LRRFIP1: variants seen among roughly 807,000 people sequenced by gnomAD.
The protein encoded by LRRFIP1 is LRR binding FLII interacting protein 1.
A neutral mutation model predicts 104.4 loss-of-function variants in LRRFIP1; 62 were observed. That is an observed-to-expected ratio of 0.59 (90% CI 0.48 to 0.73). LRRFIP1 has a LOEUF of 0.73. Among genes scored for constraint, LRRFIP1 ranks in the 30% least tolerant of loss-of-function variants. LRRFIP1 has a pLI of 0.00. For missense variants in LRRFIP1, 796 were observed against 824.5 expected (o/e 0.97, Z 0.42); for synonymous variants, 300 against 299.0 (o/e 1.00, Z -0.03).
At chr2:237,634,080 T>C (rs1219293468) in intron 1 of LRRFIP1, among the ~76,000 whole-genome samples, 3 of 152,246 alleles carry the variant, frequency 2.0e-5, no homozygotes, top group Non-Finnish European at 4.4e-5. Flanking sequence ...CACAGTAGGC[T>C]GGGCAGTCCT....
At chr2:237,670,886 C>T (rs539890930) in intron 1 of LRRFIP1, among the ~76,000 whole-genome samples, 3 of 152,318 alleles carry the variant, frequency 2.0e-5, no homozygotes, top group Non-Finnish European at 2.9e-5. Flanking sequence ...ACATCCTCAG[C>T]GGCAGGGTCT....
rs1371823850 is a variant in LRRFIP1, at chr2:237,649,631, G to A, written c.96+21891G>A. Among the ~76,000 whole-genome samples the A allele has an allele frequency of 1.3e-5, 2 of 151,968 alleles. No individual in the cohort carries two copies. The highest frequency in any genetic ancestry group is 2.9e-5 in the Non-Finnish European group (2 of 67,956). On this transcript the variant is annotated intron_variant, in intron 1 of 23. Transcript: ENST00000308482. This position sits in a 1 kb window ranked among gnomAD's most constrained non-coding sequence, Gnocchi z 4.1. ...TGTTTTGTTTTTCTGAGAAGAAGGT[G>A]ACTTTTCCCGGTTGCTGTCCATGCA...
chr2:237,770,008 T>C lies in LRRFIP1; in HGVS notation c.1509+16T>C. On this transcript the variant is annotated intron_variant, in intron 20 of 23. Transcript: ENST00000308482. ...ATTGGAACAGGTAACAATCTTTTTA[T>C]TACTTTACCGGTTCATGAACAGGGC... is the stretch of plus-strand genomic sequence containing the variant. The C allele has an allele frequency of 6.3e-7, 1 of 1,594,638 alleles. No individual in the cohort carries two copies. The highest frequency in any genetic ancestry group is 1.7e-5 in the Admixed American group (1 of 57,538).
chr2:237,725,854 C>T (rs761466976), intron 7 of LRRFIP1, among the ~76,000 whole-genome samples: 3 of 152,234 alleles, frequency 2.0e-5, no homozygotes, highest in Non-Finnish European at 2.9e-5. Context: ...GTGCAAAGGA[C>T]AGGGTTCCGC....
intron 7 of LRRFIP1, among the ~76,000 whole-genome samples, chr2:237,724,929 C>T (rs2094684134): frequency 2.6e-5 from 4 of 152,106 alleles, no homozygotes; most frequent in Admixed American, 6.5e-5. Context: ...TACATGTGCT[C>T]TGTCTTTTGA....
At chr2:237,647,554 G>A (rs1372814979) in intron 1 of LRRFIP1, among the ~76,000 whole-genome samples, 8 of 152,012 alleles carry the variant, frequency 5.3e-5, no homozygotes, top group Non-Finnish European at 1.2e-4. Context: ...GAGCAGAAGC[G>A]GGGTCCTGCC....
intron 19 of LRRFIP1, chr2:237,763,492 A>C: frequency 6.2e-7 from 1 of 1,613,498 alleles, no homozygotes; most frequent in Non-Finnish European, 8.5e-7. Flanking sequence ...ATGTTAAAAA[A>C]GAGTTAACGT....
chr2:237,663,748 G>C (rs1422186407), intron 1 of LRRFIP1, among the ~76,000 whole-genome samples: 1 of 152,210 alleles, frequency 6.6e-6, no homozygotes, highest in East Asian at 1.9e-4. Context: ...CTGGGTTGGT[G>C]GAGCGGGGAC....
chr2:237,703,176 C>T lies in LRRFIP1; in HGVS notation c.97-5368C>T, dbSNP rs1012266400. Among the ~76,000 whole-genome samples, 8 of 152,274 alleles carry T rather than the reference C, an allele frequency of 5.3e-5. No individual in the cohort carries two copies. The highest frequency in any genetic ancestry group is 1.9e-4 in the African/African-American group (8 of 41,550). On this transcript the variant is annotated intron_variant, in intron 1 of 23. Coordinates refer to ENST00000308482, the MANE Select transcript of LRRFIP1 (RefSeq NM_001137550.2). The surrounding 1 kb of genome is among the most constrained non-coding windows in gnomAD (Gnocchi z 4.3). ...GGATGGGAGGGAAAGAATGACTCAACCTGCAGGCCGTCTGGGGTATGCACA... is the reference window on the plus strand; with the variant it reads ...GGATGGGAGGGAAAGAATGACTCAATCTGCAGGCCGTCTGGGGTATGCACA...
intron 23 of LRRFIP1, among the ~76,000 whole-genome samples, chr2:237,778,163 GCTTAT>G: frequency 6.6e-6 from 1 of 152,188 alleles, no homozygotes; most frequent in Non-Finnish European, 1.5e-5. Context: ...TGTTTTGTGA[GCTTAT>G]GCTTGATTTT....
intron 6 of LRRFIP1, chr2:237,721,895 T>G (rs992092343): frequency 6.6e-6 from 1 of 152,260 alleles, no homozygotes; most frequent in Admixed American, 6.5e-5. Flanking sequence ...TCCTGAGATG[T>G]AGCCTCAGGG....
rs1343612363 is a variant in LRRFIP1, at chr2:237,717,781, C to T, written c.221C>T (p.Thr74Ile). 12 of 1,612,924 alleles carry T rather than the reference C, an allele frequency of 7.4e-6. No individual in the cohort carries two copies. Among genetic ancestry groups the T allele is most frequent in the Non-Finnish European group, 1.0e-5 (12 of 1,178,910 alleles). ...CTATAGAAATATTATGGGCTGGATA[C>T]AAAATGGGGTGACATCGAGCAGTGG... Reference protein sequence around the residue: ...QVQKKYYGLDTKWGDIEQWME... With the variant: ...QVQKKYYGLDIKWGDIEQWME... Residue 74 changes from threonine (T) to isoleucine (I), a missense_variant, in exon 4 of 24, where the codon ACA becomes ATA. By Grantham distance (89) the Thr-to-Ile change is moderately conservative. Coordinates refer to ENST00000308482, the MANE Select transcript of LRRFIP1 (RefSeq NM_001137550.2). This position sits in a 1 kb window ranked among gnomAD's most constrained non-coding sequence, Gnocchi z 4.2.
Position 237,735,404 on chromosome 2 carries a change from G to A in LRRFIP1, c.555+71G>A. 2 of 1,457,244 alleles carry A rather than the reference G, an allele frequency of 1.4e-6. No homozygotes were observed. Among genetic ancestry groups the A allele is most frequent in the Non-Finnish European group, 1.9e-6 (2 of 1,073,036 alleles). The allele number at this position is 1,457,244 out of a possible 1,614,324, so 90.3% of individuals were successfully genotyped here. On this transcript the variant is annotated intron_variant, in intron 10 of 23. Coordinates refer to ENST00000308482, the MANE Select transcript of LRRFIP1 (RefSeq NM_001137550.2). This position sits in a 1 kb window ranked among gnomAD's most constrained non-coding sequence, Gnocchi z 4.6. ...TGGCCTGGGGATGCTCGCTGGGCAG[G>A]GTCCAGCCGTGGGGGGTGACTGGCC...
chr2:237,686,581 A>G (rs571044268), intron 1 of LRRFIP1, among the ~76,000 whole-genome samples: 1 of 152,282 alleles, frequency 6.6e-6, no homozygotes, highest in East Asian at 1.9e-4. Flanking sequence ...CCCATTCATA[A>G]CCTGGGGGTG....
chr2:237,668,691 G>GCTTAT (rs145572412), intron 1 of LRRFIP1, among the ~76,000 whole-genome samples: 11,515 of 152,186 alleles, frequency 0.076, 503 homozygotes, highest in East Asian at 0.15. Flanking sequence ...CACACTAGCT[G>GCTTAT]CTTATTATCC....
intron 19 of LRRFIP1, chr2:237,768,521 G>A (rs2060379039): frequency 6.6e-6 from 1 of 152,132 alleles, no homozygotes; most frequent in African/African-American, 2.4e-5. Flanking sequence ...AATGAAAAGT[G>A]ATATTGGGCA....
chr2:237,687,113 T>A (rs2092428503), intron 1 of LRRFIP1, among the ~76,000 whole-genome samples: 1 of 152,226 alleles, frequency 6.6e-6, no homozygotes. Flanking sequence ...TCCATCATGA[T>A]GTGCTAAGGG....
At chr2:237,669,616 A>G (rs1160320708) in intron 1 of LRRFIP1, among the ~76,000 whole-genome samples, 1 of 152,140 alleles carries the variant, frequency 6.6e-6, no homozygotes, top group Non-Finnish European at 1.5e-5. Context: ...GATAACCCTA[A>G]ACGGAGTTTC....
intron 19 of LRRFIP1, among the ~76,000 whole-genome samples, chr2:237,767,500 A>G (rs1304683967): frequency 6.6e-6 from 1 of 152,188 alleles, no homozygotes; most frequent in Non-Finnish European, 1.5e-5. Context: ...TTATGGGTGT[A>G]TGTCAAAAAT....
Sources: gnomAD v4.1 joint callset for allele counts (sites outside exome capture counted in the v4.1 genomes callset) on GRCh38, gnomAD v4.1.1 for gene constraint, Gnocchi (gnomAD v3.1) non-coding constraint, MANE v1.5 for transcripts, NCBI Gene and HGNC (gene_info 2026-07-23, HGNC 2026-07-21) for gene names.